AIG1: variants seen among roughly 807,000 people sequenced by gnomAD.
AIG1 encodes the protein androgen-induced gene 1 protein.
A neutral mutation model predicts 31.4 loss-of-function variants in AIG1; 23 were observed. The observed-to-expected ratio is 0.73, with a 90% CI of 0.53 to 1.04. The LOEUF is 1.04. Ranked by LOEUF, AIG1 falls within the 50% of genes least tolerant of loss-of-function variation. The probability of loss-of-function intolerance (pLI) is 0.00; values close to 1 mark genes in which losing one functional copy is unlikely to be tolerated. For synonymous variants in AIG1, 100 were observed against 110.5 expected, an observed-to-expected ratio of 0.90 and a Z score of 0.60; for missense variants, 274 against 295.0, an observed-to-expected ratio of 0.93 and a Z score of 0.52.
chr6:143,300,359 A>G (rs1385992503), intron 4 of AIG1, among the ~76,000 whole-genome samples: 1 of 152,188 alleles, frequency 6.6e-6, no homozygotes, highest in East Asian at 1.9e-4. Context: ...TAGCTTTGCA[A>G]TTCTCCCGTT....
rs536209778 is a variant in AIG1 at position 143,308,153 on chromosome 6, G to A, written c.515+23928G>A. Among the ~76,000 whole-genome samples the A allele has an allele frequency of 2.1e-4, 32 of 152,322 alleles. No homozygotes were observed. In the East Asian group the frequency reaches 2.5e-3, roughly 12 times the overall value. The stretch of plus-strand genomic sequence containing the variant: ...GAAAGGGAACTCCCTGACCCCTTGC[G>A]CTTCCTGAGTGAGGCAATGCCTCGC... On this transcript the variant is annotated intron_variant, in intron 4 of 5. Coordinates refer to ENST00000357847, the MANE Select transcript of AIG1 (RefSeq NM_016108.4).
At chr6:143,122,409 TA>T (rs950430039) in intron 1 of AIG1, among the ~76,000 whole-genome samples, 23 of 151,242 alleles carry the variant, frequency 1.5e-4, no homozygotes, top group African/African-American at 5.3e-4. Flanking sequence ...AATAGAAAGG[TA>T]AAAAAAAATC....
chr6:143,278,464 CTTTTT>C (rs1008735692), intron 3 of AIG1, among the ~76,000 whole-genome samples: 2 of 135,902 alleles, frequency 1.5e-5, no homozygotes, highest in Admixed American at 1.5e-4. Flanking sequence ...TTTTTCTTTT[CTTTTT>C]TTTTTTTTTT....
intron 2 of AIG1, among the ~76,000 whole-genome samples, chr6:143,140,541 T>G (rs947333670): frequency 1.2e-4 from 18 of 152,144 alleles, no homozygotes; most frequent in Non-Finnish European, 2.6e-4. Context: ...AGGACTTTCT[T>G]CCTTATTAAA....
chr6:143,343,013 A>G (rs1777885837), downstream of AIG1: 22 of 880,576 alleles, frequency 2.5e-5, no homozygotes, highest in South Asian at 2.6e-4. Flanking sequence ...GTTATTTCCA[A>G]TTTTGTCAGT....
chr6:143,306,364 T>C (rs1047503030), intron 4 of AIG1, among the ~76,000 whole-genome samples: 18 of 152,274 alleles, frequency 1.2e-4, no homozygotes, highest in African/African-American at 2.4e-4. Context: ...TGGCTGGTAC[T>C]GGTTGTTCCT....
intron 2 of AIG1, among the ~76,000 whole-genome samples, chr6:143,160,480 TA>T (rs1376106726): frequency 6.6e-6 from 1 of 152,162 alleles, no homozygotes; most frequent in Non-Finnish European, 1.5e-5. Flanking sequence ...TCTCAAAGCT[TA>T]AAGGACTGGA....
At position 143,217,963 on chromosome 6, in the gene AIG1, A is replaced by G. The variant is rs551519286; in HGVS notation, c.399+52780A>G. ...AATGCCCCATGCCATGCTTGAGATCACCAGTTTCCCTATAACCCTGTCAGC... is the reference window on the plus strand; with the variant it reads ...AATGCCCCATGCCATGCTTGAGATCGCCAGTTTCCCTATAACCCTGTCAGC... On this transcript the variant is annotated intron_variant, in intron 3 of 5. Transcript: ENST00000357847. 1.6e-4 allele frequency among the ~76,000 whole-genome samples: 24 copies of G among 152,374 alleles called. No homozygotes were observed. The South Asian group carries it at 5.0e-3, about 32-fold the overall frequency.
At chr6:143,148,488 G>A (rs1323127764) in intron 2 of AIG1, among the ~76,000 whole-genome samples, 4 of 152,018 alleles carry the variant, frequency 2.6e-5, no homozygotes, top group African/African-American at 4.8e-5. Context: ...CAGGCTGGGC[G>A]ATGGAGTGAG....
chr6:143,165,205 G>A (rs549776028), intron 3 of AIG1, 22 bp downstream of exon 3: 1 of 1,556,246 alleles, frequency 6.4e-7, no homozygotes, highest in South Asian at 1.1e-5. Flanking sequence ...AAAACAAACG[G>A]CTTTCTTTTA....
At chr6:143,104,367 C>G (rs1412357845) in intron 1 of AIG1, among the ~76,000 whole-genome samples, 3 of 152,204 alleles carry the variant, frequency 2.0e-5, no homozygotes, top group Non-Finnish European at 4.4e-5. Context: ...GAGGGTGAAG[C>G]TTCCTTCTGA....
chr6:143,269,821 C>G (rs950832218), intron 3 of AIG1, among the ~76,000 whole-genome samples: 1 of 152,120 alleles, frequency 6.6e-6, no homozygotes, highest in African/African-American at 2.4e-5. Context: ...TATGGAGATT[C>G]ACTGTGACAA....
At chr6:143,142,890 T>C (rs1784362854) in intron 2 of AIG1, among the ~76,000 whole-genome samples, 1 of 152,202 alleles carries the variant, frequency 6.6e-6, no homozygotes, top group Non-Finnish European at 1.5e-5. Context: ...AAAAAGTATA[T>C]TGCTATTGTT....
At chr6:143,066,688 A>G (rs557894859) in intron 1 of AIG1, among the ~76,000 whole-genome samples, 4 of 152,334 alleles carry the variant, frequency 2.6e-5, no homozygotes, top group East Asian at 1.9e-4. Context: ...GATACGAGAG[A>G]TGGGTTAGTT....
intron 2 of AIG1, among the ~76,000 whole-genome samples, chr6:143,164,771 G>A (rs554077371): frequency 6.6e-6 from 1 of 152,288 alleles, no homozygotes; most frequent in East Asian, 1.9e-4. Context: ...CCTCTTGAGA[G>A]GAATCAAACC....
chr6:143,211,171 T>C (rs935632494), intron 3 of AIG1, among the ~76,000 whole-genome samples: 1 of 151,926 alleles, frequency 6.6e-6, no homozygotes, highest in East Asian at 1.9e-4. Context: ...GGTGACAGAG[T>C]GAGTGAGTGG....
intron 3 of AIG1, among the ~76,000 whole-genome samples, chr6:143,222,288 G>A (rs140349587): frequency 2.9e-4 from 44 of 152,222 alleles, no homozygotes; most frequent in Non-Finnish European, 5.3e-4. Context: ...CCTTCTGTCT[G>A]TTCCCCCATA....
intron 1 of AIG1, among the ~76,000 whole-genome samples, chr6:143,089,438 A>G (rs1411827042): frequency 6.6e-6 from 1 of 152,154 alleles, no homozygotes; most frequent in Admixed American, 6.5e-5. Context: ...TGTAAGTCAT[A>G]AAGCTTCTAT....
At chr6:143,278,665 C>T (rs895359347) in intron 3 of AIG1, among the ~76,000 whole-genome samples, 25 of 151,860 alleles carry the variant, frequency 1.6e-4, no homozygotes, top group Middle Eastern at 3.4e-3. Flanking sequence ...GACGGGGTTT[C>T]GCCAAGTTGA....
Sources: allele counts gnomAD v4.1 joint callset (sites outside exome capture counted in the v4.1 genomes callset), GRCh38; gene constraint gnomAD v4.1.1; transcripts MANE v1.5; gene names NCBI Gene and HGNC (gene_info 2026-07-23, HGNC 2026-07-21).